Variants in LRPPRC observed in about 807,000 individuals in gnomAD.
The protein encoded by LRPPRC is leucine rich pentatricopeptide repeat containing.
Under a neutral mutation model 180.3 loss-of-function variants are expected in LRPPRC, and 120 were observed. That is an observed-to-expected ratio of 0.67 (90% CI 0.57 to 0.77). The LOEUF is 0.77. LRPPRC is among the 30% of genes least tolerant of loss of function. The pLI, the probability that LRPPRC is intolerant of heterozygous loss-of-function variation, is 0.00. For missense variants in LRPPRC, 2,012 were observed against 1,657.2 expected, an observed-to-expected ratio of 1.21 and a Z score of -3.72; for synonymous variants, 723 against 600.0, an observed-to-expected ratio of 1.21 and a Z score of -3.00.
At chr2:43,938,305 G>A (rs1316567123) in intron 23 of LRPPRC, among the ~76,000 whole-genome samples, 1 of 151,956 alleles carries the variant, frequency 6.6e-6, no homozygotes, top group Non-Finnish European at 1.5e-5. Context: ...ATTTTGTTTG[G>A]TGCAAATTAA....
chr2:43,940,851 T>C (rs984553949), intron 23 of LRPPRC, among the ~76,000 whole-genome samples: 6 of 152,184 alleles, frequency 3.9e-5, no homozygotes, highest in Non-Finnish European at 7.4e-5. Flanking sequence ...GACGGATTGC[T>C]GTCATCTCCA....
Position 43,924,996 on chromosome 2 carries a change from C to T in LRPPRC, c.2896+71G>A, listed in dbSNP as rs1347510719. On this transcript the variant is annotated intron_variant, in intron 27 of 37. Coordinates refer to ENST00000260665, the MANE Select transcript of LRPPRC (RefSeq NM_133259.4). The stretch of plus-strand genomic sequence containing the variant: ...GACAATCCCTGGAGCTCCCTCAAAA[C>T]CAAATACTCCTTTCCTGCCACTGCC... 7.5e-6 allele frequency: 7 copies of T among 934,466 alleles called. No individual in the cohort carries two copies. The East Asian group carries it at 1.4e-4, about 19-fold the overall frequency. The allele number at this position is 934,466 out of a possible 1,614,324, so 57.9% of individuals were successfully genotyped here. A position where few individuals can be genotyped will look rare whatever the true frequency, so the allele number is the denominator to read the frequency against.
chr2:43,915,421 A>C (rs1671430995), intron 29 of LRPPRC, among the ~76,000 whole-genome samples: 1 of 152,148 alleles, frequency 6.6e-6, no homozygotes, highest in Non-Finnish European at 1.5e-5. Flanking sequence ...ATGGTGGCTC[A>C]CGCCTGTAAT....
chr2:43,945,293 T>C (rs1030260632), intron 22 of LRPPRC, 39 bp downstream of exon 22: 1 of 1,299,616 alleles, frequency 7.7e-7, no homozygotes, highest in Non-Finnish European at 1.1e-6. Flanking sequence ...AGTGGCAAGA[T>C]ACTTGCATCA....
intron 34 of LRPPRC, among the ~76,000 whole-genome samples, chr2:43,898,254 A>T (rs1415618546): frequency 6.6e-6 from 1 of 152,092 alleles, no homozygotes; most frequent in Non-Finnish European, 1.5e-5. Flanking sequence ...TTAAAAATGG[A>T]TTGGATTCTA....
chr2:43,954,045 A>C (rs1559002936), intron 14 of LRPPRC, among the ~76,000 whole-genome samples: 1 of 152,154 alleles, frequency 6.6e-6, no homozygotes. Flanking sequence ...TCCAAATACC[A>C]AACTGAACAC....
intron 30 of LRPPRC, among the ~76,000 whole-genome samples, chr2:43,909,652 G>T (rs1671188216): frequency 6.7e-6 from 1 of 148,924 alleles, no homozygotes; most frequent in Non-Finnish European, 1.5e-5. Context: ...TAATAATATT[G>T]AGGGTGGGAA....
intron 12 of LRPPRC, among the ~76,000 whole-genome samples, chr2:43,962,141 TC>T (rs1673372901): frequency 6.6e-6 from 1 of 152,122 alleles, no homozygotes; most frequent in South Asian, 2.1e-4. Context: ...GATCTGCTGT[TC>T]CCTAAGATAA....
Position 43,950,576 on chromosome 2 carries a change from G to C in LRPPRC, c.1674C>G (p.Ser558Arg), listed in dbSNP as rs376787135. The C allele has an allele frequency of 3.7e-6, 6 of 1,613,112 alleles. No homozygotes were observed. Among genetic ancestry groups the C allele is most frequent in the Middle Eastern group, 1.7e-4 (1 of 6,056 alleles). Residue 558 changes from serine (S) to arginine (R), a missense_variant, in exon 15 of 38, where the codon AGC (serine) becomes AGG (arginine). Ser to Arg is a moderately radical substitution (Grantham distance 110, BLOSUM62 -1). Coordinates refer to ENST00000260665, the MANE Select transcript of LRPPRC (RefSeq NM_133259.4). ...FRRSMNINLW[S>R]EITELLYKDG... ...TTGCAATATTAGAGGGACTTACCTCGCTCCAAAGATTTATATTCATAGACC... is the reference window on the plus strand; with the variant it reads ...TTGCAATATTAGAGGGACTTACCTCCCTCCAAAGATTTATATTCATAGACC...
intron 27 of LRPPRC, among the ~76,000 whole-genome samples, chr2:43,922,382 G>A (rs925937354): frequency 3.3e-5 from 5 of 152,138 alleles, no homozygotes; most frequent in Non-Finnish European, 5.9e-5. Flanking sequence ...GAAAGGAACC[G>A]TTTTAAAATA....
chr2:43,954,597 A>C (rs1192338354), intron 14 of LRPPRC, among the ~76,000 whole-genome samples: 1 of 152,232 alleles, frequency 6.6e-6, no homozygotes, highest in Admixed American at 6.5e-5. Context: ...TCTTGAAAAC[A>C]GACGTCTCTT....
At chr2:43,977,559 C>T (rs183564660) in intron 3 of LRPPRC, among the ~76,000 whole-genome samples, 30 of 152,242 alleles carry the variant, frequency 2.0e-4, no homozygotes, top group Non-Finnish European at 4.0e-4. Flanking sequence ...TGTTAGAAAA[C>T]GCTGACAATA....
intron 1 of LRPPRC, among the ~76,000 whole-genome samples, chr2:43,984,730 G>A (rs888808653): frequency 6.6e-6 from 1 of 152,046 alleles, no homozygotes; most frequent in African/African-American, 2.4e-5. Flanking sequence ...TGACGGTGGG[G>A]CCCCACAAGA....
chr2:43,994,240 A>C (rs1674917181), intron 1 of LRPPRC, among the ~76,000 whole-genome samples: 1 of 152,266 alleles, frequency 6.6e-6, no homozygotes, highest in Non-Finnish European at 1.5e-5. Context: ...GCCCAATAAG[A>C]AAATATAGGC....
intron 21 of LRPPRC, 115 bp downstream of exon 21, chr2:43,945,998 A>G: frequency 6.9e-6 from 8 of 1,159,974 alleles, no homozygotes; most frequent in Non-Finnish European, 1.0e-5. Flanking sequence ...ACTGACAACA[A>G]AAGAATTTTT....
At chr2:43,921,285 A>G (rs1402348122) in intron 27 of LRPPRC, among the ~76,000 whole-genome samples, 4 of 152,072 alleles carry the variant, frequency 2.6e-5, no homozygotes, top group East Asian at 1.9e-4. Context: ...TGTGAACACT[A>G]AAACAAATAA....
Position 43,957,425 on chromosome 2 carries a change from G to A in LRPPRC, c.1609C>T (p.Leu537=), listed in dbSNP as rs1317237549. 2 of 1,613,368 alleles carry A rather than the reference G, an allele frequency of 1.2e-6. No homozygotes were observed. Among genetic ancestry groups the A allele is most frequent in the African/African-American group, 1.3e-5 (1 of 75,032 alleles). ...FLKSNTLPIS[L]QSIRSSLLLG... ...AGTAGGCTACTTCTTATAGACTGCA[G>A]CGAGATGGGCAATGTATTTGATTTC... Residue 537 remains leucine (L), a synonymous_variant, in exon 14 of 38, where the codon CTG becomes TTG. Coordinates refer to ENST00000260665, the MANE Select transcript of LRPPRC (RefSeq NM_133259.4).
chr2:43,984,229 A>G (rs1389084002), intron 1 of LRPPRC, among the ~76,000 whole-genome samples: 1 of 152,190 alleles, frequency 6.6e-6, no homozygotes, highest in East Asian at 1.9e-4. Flanking sequence ...AGGAGTATGC[A>G]ATAATATTAG....
chr2:43,911,659 T>C (rs1392364921), intron 30 of LRPPRC, among the ~76,000 whole-genome samples: 1 of 151,606 alleles, frequency 6.6e-6, no homozygotes, highest in African/African-American at 2.4e-5. Flanking sequence ...TTTGAGTAGC[T>C]GGGATTACAG....
Sources: allele counts gnomAD v4.1 joint callset (sites outside exome capture counted in the v4.1 genomes callset), GRCh38; gene constraint gnomAD v4.1.1; transcripts MANE v1.5; gene names NCBI Gene and HGNC (gene_info 2026-07-23, HGNC 2026-07-21).